Variants in POLDIP3 observed in about 807,000 individuals in gnomAD.
POLDIP3 encodes DNA polymerase delta interacting protein 3, also known as polymerase delta-interacting protein 3.
In POLDIP3, 14 loss-of-function variants were observed where a neutral mutation model predicts 45.1. The observed-to-expected ratio is 0.31, with a 90% CI of 0.20 to 0.49. The LOEUF is 0.49. POLDIP3 is among the 20% of genes least tolerant of loss of function. The pLI is 0.99. For missense variants in POLDIP3, 511 were observed against 538.8 expected (o/e 0.95, Z 0.51); for synonymous variants, 223 against 205.2 (o/e 1.09, Z -0.74).
At chr22:42,592,115 G>T in intron 6 of POLDIP3, 31 bp from the exon 7 acceptor site, 5 of 1,613,054 alleles carry the variant, frequency 3.1e-6, no homozygotes, top group Non-Finnish European at 4.2e-6. Context: ...TGGGATTGGG[G>T]AAGGATTTCT....
chr22:42,607,646 C>G (rs1257632423), intron 1 of POLDIP3, among the ~76,000 whole-genome samples: 1 of 151,846 alleles, frequency 6.6e-6, no homozygotes, highest in East Asian at 1.9e-4. Context: ...CGGCCGCCAT[C>G]CCATCTAGGA....
chr22:42,603,135 C>T lies in POLDIP3; in HGVS notation c.85G>A (p.Gly29Ser), dbSNP rs1361333188. 6.2e-7 allele frequency: 1 copy of T among 1,614,062 alleles called. No individual in the cohort carries two copies. The highest frequency in any genetic ancestry group is 1.7e-5 in the Admixed American group (1 of 60,010). The change falls in exon 2 of 9, where the codon GGT (glycine) becomes AGT (serine). Residue 29 changes from glycine to serine, a missense_variant. By Grantham distance (56) the Gly-to-Ser change is moderately conservative. This residue lies in a region of POLDIP3 where 378 missense variants were observed against 352.3 expected (regional missense o/e 1.07). Transcript: ENST00000252115. ...GRLNARPGVG[G>S]VRSRVGIQQG... ...TGGATCCCAACTCGAGATCGGACAC[C>T]TCCAACTCCCGGTCTGGCATTAAGC...
At chr22:42,613,856 A>G (rs1163099179) in intron 1 of POLDIP3, among the ~76,000 whole-genome samples, 1 of 152,224 alleles carries the variant, frequency 6.6e-6, no homozygotes, top group African/African-American at 2.4e-5. Context: ...ATTTACAAAG[A>G]CATTTAAACT....
intron 1 of POLDIP3, among the ~76,000 whole-genome samples, chr22:42,610,330 G>C (rs1037169239): frequency 4.6e-5 from 7 of 152,030 alleles, no homozygotes; most frequent in African/African-American, 1.7e-4. Flanking sequence ...ATTTCAACAA[G>C]GAAACAAGCA....
chr22:42,596,299 C>T lies in POLDIP3; in HGVS notation c.700G>A (p.Asp234Asn). ...ALPLTKVVQNDAYTAPALPSS... is the reference protein window; with the variant it reads ...ALPLTKVVQNNAYTAPALPSS... The stretch of plus-strand genomic sequence containing the variant: ...GGGAGAGCAGGAGCTGTGTATGCAT[C>T]ATTCTGAACCACTTTGGTGAGAGGG... Residue 234 changes from aspartate to asparagine, a missense_variant, in exon 5 of 9, where the codon GAT becomes AAT. By Grantham distance (23) the Asp-to-Asn change is conservative. This residue lies in a region of POLDIP3 where 378 missense variants were observed against 352.3 expected (regional missense o/e 1.07). Transcript: ENST00000252115. 2 of 1,614,060 alleles carry T rather than the reference C, an allele frequency of 1.2e-6. No individual in the cohort carries two copies. The highest frequency in any genetic ancestry group is 1.7e-6 in the Non-Finnish European group (2 of 1,179,932).
intron 1 of POLDIP3, among the ~76,000 whole-genome samples, chr22:42,607,971 C>CTGGGA: frequency 7.0e-6 from 1 of 143,750 alleles, no homozygotes; most frequent in Admixed American, 7.0e-5. Context: ...CCGCCCTGTT[C>CTGGGA]GGGAGGTGGG....
chr22:42,588,097 C>T (rs757571521), intron 7 of POLDIP3, among the ~76,000 whole-genome samples: 1 of 152,044 alleles, frequency 6.6e-6, no homozygotes, highest in Non-Finnish European at 1.5e-5. Flanking sequence ...TTAGTGAATA[C>T]ATCATTAAAG....
At chr22:42,614,534 C>T (rs1387954322) in intron 1 of POLDIP3, among the ~76,000 whole-genome samples, 2 of 152,122 alleles carry the variant, frequency 1.3e-5, no homozygotes, top group Non-Finnish European at 2.9e-5. Context: ...CCCCAGGGGG[C>T]AGCCCCTCAG....
chr22:42,604,887 A>G (rs1390227846), intron 1 of POLDIP3, among the ~76,000 whole-genome samples: 2 of 152,204 alleles, frequency 1.3e-5, no homozygotes, highest in Admixed American at 1.3e-4. Flanking sequence ...ATGGTGGTAG[A>G]AGGTGGTGGC....
At chr22:42,594,078 G>A (rs1200010196) in intron 6 of POLDIP3, among the ~76,000 whole-genome samples, 2 of 152,166 alleles carry the variant, frequency 1.3e-5, no homozygotes, top group Non-Finnish European at 2.9e-5. Context: ...CGGCCAACAT[G>A]GTGAAACCTC....
At chr22:42,589,702 G>A (rs1925548646) in intron 7 of POLDIP3, among the ~76,000 whole-genome samples, 1 of 151,700 alleles carries the variant, frequency 6.6e-6, no homozygotes, top group Non-Finnish European at 1.5e-5. Context: ...ATATTAGCTG[G>A]GCGTGACAGT....
At chr22:42,606,294 C>A (rs2146829753) in intron 1 of POLDIP3, among the ~76,000 whole-genome samples, 1 of 151,582 alleles carries the variant, frequency 6.6e-6, no homozygotes, top group East Asian at 1.9e-4. Context: ...GGCCAAATGG[C>A]AGGATGGCTT....
In POLDIP3 at chr22:42,585,615, A is replaced by G; in HGVS notation, c.*176T>C. On this transcript the variant is annotated 3_prime_UTR_variant, in exon 9 of 9. Transcript: ENST00000252115. ...AACGTTAACGTAGAGAGAAGAGCAC[A>G]GGGCAGAACACAACACAGAAAGGCG... is the stretch of plus-strand genomic sequence containing the variant. 1.4e-6 allele frequency: 1 copy of G among 697,352 alleles called. No individual in the cohort carries two copies. Among genetic ancestry groups the G allele is most frequent in the South Asian group, 1.9e-5 (1 of 52,420 alleles). 43.2% of individuals were successfully genotyped at this position (697,352 alleles called of 1,614,324 possible). A position where few individuals can be genotyped will look rare whatever the true frequency, so the allele number is the denominator to read the frequency against.
chr22:42,591,584 A>C (rs541853587), intron 7 of POLDIP3, among the ~76,000 whole-genome samples: 1 of 152,338 alleles, frequency 6.6e-6, no homozygotes, highest in South Asian at 2.1e-4. Context: ...GCTCTCACCC[A>C]GGTGTCAACA....
Position 42,601,845 on chromosome 22 carries a change from G to A in POLDIP3, c.537+125C>T, listed in dbSNP as rs1601898891. The A allele has an allele frequency of 3.4e-6, 4 of 1,171,566 alleles. No individual in the cohort carries two copies. The East Asian group carries it at 7.8e-5, about 23-fold the overall frequency. 72.6% of individuals were successfully genotyped at this position (1,171,566 alleles called of 1,614,324 possible). On this transcript the variant is annotated intron_variant, in intron 3 of 8. Transcript: ENST00000252115. ...AACCCTGCCTCCAATACTACCAACTGGGAACTACCAACTGAGCAAGCCTCA... is the reference window on the plus strand; with the variant it reads ...AACCCTGCCTCCAATACTACCAACTAGGAACTACCAACTGAGCAAGCCTCA...
At chr22:42,591,899 T>A in intron 7 of POLDIP3, 56 bp downstream of exon 7, 1 of 1,609,206 alleles carries the variant, frequency 6.2e-7, no homozygotes, top group East Asian at 2.2e-5. Context: ...GCCTGCTACC[T>A]GACAGCAAGT....
chr22:42,607,050 A>G (rs1926772960), intron 1 of POLDIP3, among the ~76,000 whole-genome samples: 1 of 152,210 alleles, frequency 6.6e-6, no homozygotes. Flanking sequence ...AGATCGCTTG[A>G]GCCCAGGTGT....
chr22:42,610,931 T>C (rs1039760648), intron 1 of POLDIP3, among the ~76,000 whole-genome samples: 1 of 151,958 alleles, frequency 6.6e-6, no homozygotes, highest in Non-Finnish European at 1.5e-5. Flanking sequence ...AAAACCAACA[T>C]GAGGGGCAGG....
Position 42,605,898 on chromosome 22 carries a change from T to C in POLDIP3, c.60-2738A>G, listed in dbSNP as rs2146829126. On this transcript the variant is annotated intron_variant, in intron 1 of 8. Coordinates refer to ENST00000252115, the MANE Select transcript of POLDIP3 (RefSeq NM_032311.5). Reference sequence around the variant, plus strand: ...GACTCACACCTGTAATCCCAGCACTTTGGGAGGCCGAGGCTGATGGATTAC... The same window carrying C: ...GACTCACACCTGTAATCCCAGCACTCTGGGAGGCCGAGGCTGATGGATTAC... Among the ~76,000 whole-genome samples, 2 of 152,230 alleles carry C rather than the reference T, an allele frequency of 1.3e-5. 1 individual carries two copies. The highest frequency in any genetic ancestry group is 4.1e-4 in the South Asian group (2 of 4,822).
Sources: allele counts gnomAD v4.1 joint callset (sites outside exome capture counted in the v4.1 genomes callset), GRCh38; gene constraint gnomAD v4.1.1; regional missense constraint gnomAD v4.1.1; transcripts MANE v1.5; gene names NCBI Gene and HGNC (gene_info 2026-07-23, HGNC 2026-07-21).